Variants in LOC400499 observed in about 807,000 individuals in gnomAD.
the LOC400499 span, among the ~76,000 whole-genome samples, chr16:11,458,601 G>C: frequency 6.6e-6 from 1 of 152,124 alleles, no homozygotes; most frequent in Non-Finnish European, 1.5e-5. Flanking sequence ...GTGCTTTCCA[G>C]GGACTGGGAG....
the LOC400499 span, chr16:11,399,175 A>T: frequency 4.1e-6 from 4 of 977,500 alleles, no homozygotes; most frequent in Non-Finnish European, 4.9e-6. Flanking sequence ...GGAGCTCCCG[A>T]TCTCCCTCCG....
the LOC400499 span, chr16:11,435,829 TAGAG>T: frequency 2.5e-5 from 10 of 399,038 alleles, no homozygotes; most frequent in Non-Finnish European, 4.0e-5. Context: ...TTTGCACAGA[TAGAG>T]ACCCGTTGAG....
chr16:11,442,638 C>A, the LOC400499 span: 2 of 152,154 alleles, frequency 1.3e-5, no homozygotes, highest in East Asian at 1.9e-4. Context: ...GTGGTCACAC[C>A]GTCTGATTTT....
chr16:11,511,332 G>A, the LOC400499 span, among the ~76,000 whole-genome samples: 1 of 152,116 alleles, frequency 6.6e-6, no homozygotes, highest in African/African-American at 2.4e-5. Flanking sequence ...AACCTATGGG[G>A]TAAGGGGTGA....
At chr16:11,489,821 C>T in the LOC400499 span, among the ~76,000 whole-genome samples, 74 of 152,316 alleles carry the variant, frequency 4.9e-4, no homozygotes, top group East Asian at 0.012. Context: ...AGCAACGTCA[C>T]ATCAGACTTT....
the LOC400499 span, chr16:11,391,693 G>A: frequency 4.1e-5 from 50 of 1,231,996 alleles, no homozygotes; most frequent in Non-Finnish European, 4.8e-5. Context: ...AGCTGCTCCA[G>A]CCCCACCTGC....
At chr16:11,524,931 A>C in the LOC400499 span, among the ~76,000 whole-genome samples, 1 of 151,974 alleles carries the variant, frequency 6.6e-6, no homozygotes, top group Admixed American at 6.6e-5. Flanking sequence ...CATCCTCAAA[A>C]CCACCCCGCT....
At chr16:11,376,061 T>A in the LOC400499 span, among the ~76,000 whole-genome samples, 1 of 152,128 alleles carries the variant, frequency 6.6e-6, no homozygotes, top group Non-Finnish European at 1.5e-5. Context: ...TTGAACCGGG[T>A]TGGGTTTTTG....
At chr16:11,428,364 G>C in the LOC400499 span, among the ~76,000 whole-genome samples, 7 of 152,192 alleles carry the variant, frequency 4.6e-5, no homozygotes, top group East Asian at 1.4e-3. Context: ...AGTAGAGACG[G>C]GGTTGCACCA....
the LOC400499 span, among the ~76,000 whole-genome samples, chr16:11,440,247 T>C: frequency 6.6e-6 from 1 of 152,174 alleles, no homozygotes; most frequent in African/African-American, 2.4e-5. Flanking sequence ...GGCTGCTATA[T>C]ATTCACCAAA....
At chr16:11,430,863 A>C in the LOC400499 span, among the ~76,000 whole-genome samples, 1 of 152,220 alleles carries the variant, frequency 6.6e-6, no homozygotes, top group Non-Finnish European at 1.5e-5. Context: ...GTCAGAATGC[A>C]TGTTCATTTC....
chr16:11,384,606 G>A, the LOC400499 span, among the ~76,000 whole-genome samples: 2 of 152,310 alleles, frequency 1.3e-5, no homozygotes, highest in South Asian at 4.1e-4. Context: ...CCCTTCCTTT[G>A]TGTTCCTTGG....
chr16:11,407,510 T>A, the LOC400499 span, among the ~76,000 whole-genome samples: 1 of 152,214 alleles, frequency 6.6e-6, no homozygotes, highest in Non-Finnish European at 1.5e-5. Flanking sequence ...ATGCGAGGGT[T>A]TGGAGCCTCA....
At chr16:11,392,603 C>T in the LOC400499 span, 4 of 431,064 alleles carry the variant, frequency 9.3e-6, no homozygotes, top group Non-Finnish European at 1.6e-5. Context: ...GGCCAAGCCT[C>T]AAGGCCCTAG....
the LOC400499 span, chr16:11,457,272 T>C: frequency 4.8e-5 from 24 of 498,556 alleles, no homozygotes; most frequent in Non-Finnish European, 8.4e-5. Flanking sequence ...GCAGCTACTG[T>C]GGAAAACAGT....
At chr16:11,468,869 T>C in the LOC400499 span, among the ~76,000 whole-genome samples, 1 of 152,190 alleles carries the variant, frequency 6.6e-6, no homozygotes, top group Admixed American at 6.5e-5. Context: ...TCAGGTGATC[T>C]GCCCGCTTCG....
At chr16:11,505,137 T>G in the LOC400499 span, among the ~76,000 whole-genome samples, 1 of 148,178 alleles carries the variant, frequency 6.7e-6, no homozygotes, top group Non-Finnish European at 1.5e-5. Flanking sequence ...GCATCCTATA[T>G]GCAATGGCTT....
chr16:11,481,246 G>C, the LOC400499 span, among the ~76,000 whole-genome samples: 4 of 152,216 alleles, frequency 2.6e-5, no homozygotes, highest in Non-Finnish European at 5.9e-5. Flanking sequence ...GTCTCTTTTG[G>C]GGGTGATAAA....
At chr16:11,404,227 G>A in the LOC400499 span, among the ~76,000 whole-genome samples, 6 of 152,276 alleles carry the variant, frequency 3.9e-5, no homozygotes, top group African/African-American at 7.2e-5. Flanking sequence ...GGTCATGCTT[G>A]ACGTTATTTT....
Sources: allele counts gnomAD v4.1 joint callset (sites outside exome capture counted in the v4.1 genomes callset), GRCh38; gene constraint gnomAD v4.1.1; transcripts MANE v1.5.